MACROD2: variants seen among roughly 807,000 people sequenced by gnomAD.
MACROD2 encodes mono-ADP ribosylhydrolase 2.
In MACROD2, 36 loss-of-function variants were observed where a neutral mutation model predicts 70.4. That is an observed-to-expected ratio of 0.51 (90% CI 0.39 to 0.68). The LOEUF is 0.68. Among genes scored for constraint, MACROD2 ranks in the 30% least tolerant of loss-of-function variants. The pLI is 0.00. For missense variants in MACROD2, 496 were observed against 538.4 expected (o/e 0.92, Z 0.78); for synonymous variants, 172 against 178.8 (o/e 0.96, Z 0.30).
intron 5 of MACROD2, among the ~76,000 whole-genome samples, chr20:14,959,908 T>G (rs982713706): frequency 3.3e-5 from 5 of 152,138 alleles, no homozygotes; most frequent in Admixed American, 6.5e-5. Flanking sequence ...GAGGTAGCCT[T>G]AGGCCTAGAT....
At chr20:15,278,923 TCC>T (rs2077417603) in intron 6 of MACROD2, among the ~76,000 whole-genome samples, 1 of 152,212 alleles carries the variant, frequency 6.6e-6, no homozygotes, top group African/African-American at 2.4e-5. Flanking sequence ...TGTAAACTTT[TCC>T]TGAATGTGAA....
intron 6 of MACROD2, among the ~76,000 whole-genome samples, chr20:15,417,612 AAAAAG>A (rs748055329): frequency 6.6e-4 from 97 of 146,288 alleles, no homozygotes; most frequent in Non-Finnish European, 9.7e-4. Flanking sequence ...AAAAAAAAAA[AAAAAG>A]AAAGAAAGAA....
At chr20:14,281,578 C>T (rs1463054574) in intron 3 of MACROD2, among the ~76,000 whole-genome samples, 5 of 151,874 alleles carry the variant, frequency 3.3e-5, no homozygotes, top group African/African-American at 1.2e-4. Flanking sequence ...GTCATCTTGG[C>T]TTCAGATGAA....
At chr20:15,526,541 C>CA (rs1044833876) in intron 8 of MACROD2, among the ~76,000 whole-genome samples, 6 of 152,024 alleles carry the variant, frequency 3.9e-5, no homozygotes, top group African/African-American at 1.5e-4. Context: ...TGGTATGAGC[C>CA]AAGTAGCAAG....
chr20:15,153,245 AAG>A (rs980688501), intron 5 of MACROD2, among the ~76,000 whole-genome samples: 19 of 152,184 alleles, frequency 1.2e-4, no homozygotes, highest in African/African-American at 4.3e-4. Flanking sequence ...TGAGTCTGAA[AAG>A]AGAGTCAGTG....
At chr20:15,976,506 C>T (rs75881801) in intron 13 of MACROD2, among the ~76,000 whole-genome samples, 2,733 of 152,268 alleles carry the variant, frequency 0.018, 78 homozygotes, top group African/African-American at 0.062. Context: ...ATAAAGCTTG[C>T]CCCCATGGGG....
intron 8 of MACROD2, among the ~76,000 whole-genome samples, chr20:15,860,841 G>A (rs950482555): frequency 6.6e-6 from 1 of 152,118 alleles, no homozygotes; most frequent in African/African-American, 2.4e-5. Flanking sequence ...GAATGTTTTT[G>A]AGCAGACAGC....
At chr20:14,927,892 T>A (rs1377498626) in intron 5 of MACROD2, among the ~76,000 whole-genome samples, 1 of 152,186 alleles carries the variant, frequency 6.6e-6, no homozygotes, top group Non-Finnish European at 1.5e-5. Context: ...AAAATTCTGT[T>A]TAGGTATCCA....
At chr20:15,120,096 G>A (rs750873646) in intron 5 of MACROD2, among the ~76,000 whole-genome samples, 81 of 152,164 alleles carry the variant, frequency 5.3e-4, no homozygotes, top group Non-Finnish European at 1.0e-3. Flanking sequence ...TTGTTTTAAT[G>A]ACAGACACAT....
intron 4 of MACROD2, among the ~76,000 whole-genome samples, chr20:14,674,226 A>T (rs1712230224): frequency 6.6e-6 from 1 of 152,140 alleles, no homozygotes; most frequent in African/African-American, 2.4e-5. Flanking sequence ...GCATGAATGG[A>T]GGTAGAAGAC....
chr20:14,895,583 T>C (rs1343206664), intron 5 of MACROD2: 1 of 152,186 alleles, frequency 6.6e-6, no homozygotes, highest in Non-Finnish European at 1.5e-5. Flanking sequence ...TAACATGTAT[T>C]GGACTAAGGC....
rs570276002 is a variant in MACROD2, at chr20:15,213,791, T to C, written c.419-16149T>C. On this transcript the variant is annotated intron_variant, in intron 5 of 17. Transcript: ENST00000684519. ...GGCCCATAGGCTTTCTCTGGAAGGA[T>C]GTCAGAAAGCCACATTTATCAGAAG... is the stretch of plus-strand genomic sequence containing the variant. Among the ~76,000 whole-genome samples the C allele has an allele frequency of 2.0e-5, 3 of 152,304 alleles. No homozygotes were observed. The East Asian group carries it at 5.8e-4, about 29-fold the overall frequency.
chr20:14,944,783 T>C (rs2074417103), intron 5 of MACROD2, among the ~76,000 whole-genome samples: 1 of 152,124 alleles, frequency 6.6e-6, no homozygotes, highest in African/African-American at 2.4e-5. Context: ...CCAGGACACC[T>C]TGCCCATAAG....
chr20:14,777,098 A>T (rs1470966746), intron 5 of MACROD2, among the ~76,000 whole-genome samples: 1 of 152,004 alleles, frequency 6.6e-6, no homozygotes, highest in Non-Finnish European at 1.5e-5. Context: ...CAGTTTGGGG[A>T]TATTATGAAT....
In MACROD2 at chr20:14,642,459, C is replaced by T. The variant is rs1489398488; in HGVS notation, c.302-42384C>T. On this transcript the variant is annotated intron_variant, in intron 4 of 17. Coordinates refer to ENST00000684519, the MANE Select transcript of MACROD2 (RefSeq NM_001351661.2). ...ATGGGTAACTATTTGGTGCAAGAGGCCTAGCTTTTGGCCTCTCTCAGCTTT... is the reference window on the plus strand; with the variant it reads ...ATGGGTAACTATTTGGTGCAAGAGGTCTAGCTTTTGGCCTCTCTCAGCTTT... Among the ~76,000 whole-genome samples the T allele has an allele frequency of 2.6e-5, 4 of 152,110 alleles. 1 individual carries two copies.
chr20:14,195,501 T>C (rs572446150), intron 3 of MACROD2, among the ~76,000 whole-genome samples: 2 of 152,030 alleles, frequency 1.3e-5, no homozygotes, highest in African/African-American at 4.8e-5. Flanking sequence ...AGGACAGGCA[T>C]TTTTGTTTTC....
chr20:14,912,824 A>C (rs550522451), intron 5 of MACROD2, among the ~76,000 whole-genome samples: 6 of 152,144 alleles, frequency 3.9e-5, no homozygotes, highest in Admixed American at 6.5e-5. Context: ...TCTTCTCTGC[A>C]CTCAGCTGTG....
intron 3 of MACROD2, among the ~76,000 whole-genome samples, chr20:14,101,689 A>G (rs536789779): frequency 4.6e-5 from 7 of 151,898 alleles, no homozygotes; most frequent in Non-Finnish European, 1.0e-4. Context: ...TGACCCCTGT[A>G]TCTCTGCTTT....
At chr20:14,162,103 A>AT (rs1404426340) in intron 3 of MACROD2, among the ~76,000 whole-genome samples, 3 of 151,946 alleles carry the variant, frequency 2.0e-5, no homozygotes, top group Admixed American at 6.6e-5. Flanking sequence ...TGTTTTAAGA[A>AT]TTTTTTTTAT....
Sources: allele counts gnomAD v4.1 joint callset (sites outside exome capture counted in the v4.1 genomes callset), GRCh38; gene constraint gnomAD v4.1.1; transcripts MANE v1.5; gene names NCBI Gene and HGNC (gene_info 2026-07-23, HGNC 2026-07-21).